RASA3: variants seen among roughly 807,000 people sequenced by gnomAD.
The protein encoded by RASA3 is RAS p21 protein activator 3.
In RASA3, 73 loss-of-function variants were observed where a neutral mutation model predicts 110.0. The ratio of observed to expected loss-of-function variants is 0.66; its 90% CI spans 0.55 to 0.81. The LOEUF (loss-of-function observed/expected upper bound fraction) is 0.81, where lower values mean the gene tolerates loss of function less well. Ranked by LOEUF, RASA3 falls within the 30% of genes least tolerant of loss-of-function variation. The pLI is 0.00. For synonymous variants in RASA3, 500 were observed against 451.4 expected (o/e 1.11, Z -1.37); for missense variants, 976 against 1,113.2 (o/e 0.88, Z 1.75).
intron 1 of RASA3, among the ~76,000 whole-genome samples, chr13:114,128,564 A>G (rs946932308): frequency 1.3e-4 from 20 of 152,342 alleles, no homozygotes; most frequent in African/African-American, 3.8e-4. Context: ...CTCCTGCTTC[A>G]GGTGGGATTC....
At chr13:114,033,134 GCACTGACACCACACCCCACGGCACCCCCA>G (rs1441815192) in intron 4 of RASA3, among the ~76,000 whole-genome samples, 17 of 44,678 alleles carry the variant, frequency 3.8e-4, no homozygotes, top group African/African-American at 1.4e-3. Flanking sequence ...CGGAACCCCC[GCACTGACACCACACCCCACGGCACCCCCA>G]CACTGACACC....
intron 9 of RASA3, among the ~76,000 whole-genome samples, chr13:114,021,026 C>G (rs144513463): frequency 5.3e-5 from 8 of 151,154 alleles, no homozygotes; most frequent in Middle Eastern, 3.5e-3. Flanking sequence ...CAGGGTCCCA[C>G]TTTCGCCCAG....
intron 22 of RASA3, among the ~76,000 whole-genome samples, chr13:113,988,834 C>T (rs2053029588): frequency 1.4e-5 from 2 of 148,096 alleles, no homozygotes; most frequent in African/African-American, 2.5e-5. Context: ...ACCCATCACT[C>T]GTCCATTGCT....
intron 1 of RASA3, among the ~76,000 whole-genome samples, chr13:114,116,975 G>C (rs1474485052): frequency 2.2e-5 from 3 of 133,892 alleles, no homozygotes; most frequent in Admixed American, 7.7e-5. Context: ...TGTGAGGGGA[G>C]CACGTGTGTG....
In RASA3 at chr13:114,048,631, C is replaced by A. The variant is rs1318764370; in HGVS notation, c.277+3421G>T. 6.6e-6 allele frequency among the ~76,000 whole-genome samples: 1 copy of A among 152,226 alleles called. No individual in the cohort carries two copies. The highest frequency in any genetic ancestry group is 1.5e-5 in the Non-Finnish European group (1 of 68,038). On this transcript the variant is annotated intron_variant, in intron 3 of 23. Transcript: ENST00000334062. The surrounding 1 kb of genome is among the most constrained non-coding windows in gnomAD (Gnocchi z 4.3). ...GCAGCGCCCGGCAGCCGAGTCCAGG[C>A]AGAGGCCGCCTCCCTGCGCCTGGAA... is the stretch of plus-strand genomic sequence containing the variant.
At chr13:114,075,352 T>G (rs2079651253) in intron 1 of RASA3, among the ~76,000 whole-genome samples, 1 of 152,226 alleles carries the variant, frequency 6.6e-6, no homozygotes, top group Admixed American at 6.5e-5. Context: ...AGGGCAGAGA[T>G]AAACTCAGTT....
intron 2 of RASA3, among the ~76,000 whole-genome samples, chr13:114,053,427 G>A (rs1320115239): frequency 6.6e-6 from 1 of 152,258 alleles, no homozygotes. Flanking sequence ...TGCACGCACA[G>A]CTACCACCAA....
intron 13 of RASA3, among the ~76,000 whole-genome samples, chr13:114,015,753 T>G (rs929681253): frequency 3.9e-5 from 6 of 152,142 alleles, no homozygotes. Flanking sequence ...AGTACACAGC[T>G]CTGGGGACAG....
intron 1 of RASA3, among the ~76,000 whole-genome samples, chr13:114,113,519 C>T (rs1442821496): frequency 2.0e-5 from 3 of 152,244 alleles, no homozygotes; most frequent in African/African-American, 4.8e-5. Context: ...AAAACAGTTG[C>T]CATCAGAGAC....
intron 1 of RASA3, among the ~76,000 whole-genome samples, chr13:114,104,715 C>T (rs2080109990): frequency 6.6e-6 from 1 of 152,116 alleles, no homozygotes. Flanking sequence ...TTTGGTTTTC[C>T]GTTCCTTATT....
chr13:114,130,093 G>A (rs2080497804), intron 1 of RASA3, among the ~76,000 whole-genome samples: 1 of 152,176 alleles, frequency 6.6e-6, no homozygotes. Context: ...GAGCCCCGGG[G>A]TATCAGGCCA....
chr13:114,098,053 C>T (rs1169466975), intron 1 of RASA3, among the ~76,000 whole-genome samples: 2 of 152,210 alleles, frequency 1.3e-5, no homozygotes, highest in Non-Finnish European at 2.9e-5. Flanking sequence ...CGAGGGGCTA[C>T]AGCCCCCATC....
rs1232756725 is a variant in RASA3, at chr13:114,018,910, G to A, written c.795C>T (p.Leu265=). The A allele has an allele frequency of 1.9e-6, 3 of 1,613,756 alleles. No homozygotes were observed. The highest frequency in any genetic ancestry group is 1.7e-5 in the Admixed American group (1 of 60,020). Residue 265 remains leucine (L), a synonymous_variant, in exon 10 of 24, where the codon CTC becomes CTT. Transcript: ENST00000334062. The part of the protein sequence containing the change: ...QSSSYEAWYF[L]QPRDNGSKSL... ...TCTTGCTACCATTGTCCCGGGGCTG[G>A]AGGAAGTACCTGGGTGGGAGGGACA...
Position 114,024,343 on chromosome 13 carries a change from A to G in RASA3, c.616T>C (p.Cys206Arg). ...EVFYFEVTRP[C>R]SYSKKSHFDF... ...AAGTGGGACTTCTTGCTGTAGCTACAGGGCCGGGTCACCTGGAGTCAGACG... is the reference window on the plus strand; with the variant it reads ...AAGTGGGACTTCTTGCTGTAGCTACGGGGCCGGGTCACCTGGAGTCAGACG... The change falls in exon 8 of 24, where the codon TGT becomes CGT. Residue 206 changes from cysteine to arginine, a missense_variant. This residue lies in a region of RASA3 where 732 missense variants were observed against 779.7 expected (regional missense o/e 0.94). Coordinates refer to ENST00000334062, the MANE Select transcript of RASA3 (RefSeq NM_007368.4). The G allele has an allele frequency of 6.2e-7, 1 of 1,613,750 alleles. No homozygotes were observed.
chr13:114,013,379 G>C (rs1438361408), intron 14 of RASA3, 131 bp from the exon 15 acceptor site: 4 of 267,556 alleles, frequency 1.5e-5, no homozygotes, highest in East Asian at 6.9e-5. Context: ...ACCTGTGTCT[G>C]TCTCTCTCCC....
chr13:114,088,458 G>A (rs1185520144), intron 1 of RASA3, among the ~76,000 whole-genome samples: 1 of 152,070 alleles, frequency 6.6e-6, no homozygotes, highest in African/African-American at 2.4e-5. Context: ...TGCCCCCTAG[G>A]GAAAGGAATG....
Position 114,021,465 on chromosome 13 carries a change from A to G in RASA3, c.724T>C (p.Phe242Leu). 1 of 1,614,010 alleles carries G rather than the reference A, an allele frequency of 6.2e-7. No individual in the cohort carries two copies. Among genetic ancestry groups the G allele is most frequent in the Non-Finnish European group, 8.5e-7 (1 of 1,180,010 alleles). ...AACGGGATCCTTAGTTCTCCCAGGA[A>G]TTCATCTCCAAACTTCAGGTTACTG... ...NASNLKFGDE[F>L]LGELRIPLKV... Residue 242 changes from phenylalanine to leucine, a missense_variant, in exon 9 of 24, where the codon TTC becomes CTC. Physicochemically the swap from Phe to Leu is conservative, Grantham distance 22. Transcript: ENST00000334062.
intron 4 of RASA3, among the ~76,000 whole-genome samples, chr13:114,031,414 T>A (rs574554767): frequency 8.6e-5 from 13 of 151,600 alleles, no homozygotes; most frequent in African/African-American, 3.1e-4. Context: ...TGTGTGCATC[T>A]GCCTGTATGT....
In RASA3 at chr13:113,984,219, CACTCACCCATCTGTCCATCCATCCATT is replaced by C. The variant is rs1159139602; in HGVS notation, c.2246-2388_2246-2362del. Among the ~76,000 whole-genome samples, 140 of 99,272 alleles carry C rather than the reference CACTCACCCATCTGTCCATCCATCCATT, an allele frequency of 1.4e-3. 3 individuals are homozygous for C. Among genetic ancestry groups the C allele is most frequent in the African/African-American group, 4.2e-3 (133 of 31,392 alleles). 65.1% of individuals were successfully genotyped at this position (99,272 alleles called of 152,430 possible). On this transcript the variant is annotated intron_variant, in intron 22 of 23. Transcript: ENST00000334062. ...ATCACTCACCCATCTGTCCATCCAT[CACTCACCCATCTGTCCATCCATCCATT>C]ACTCACCCATCTGTCCATCCACCCA...
Sources: allele counts gnomAD v4.1 joint callset (sites outside exome capture counted in the v4.1 genomes callset), GRCh38; gene constraint gnomAD v4.1.1; regional missense constraint gnomAD v4.1.1; non-coding constraint Gnocchi (gnomAD v3.1); transcripts MANE v1.5; gene names NCBI Gene and HGNC (gene_info 2026-07-23, HGNC 2026-07-21).